Variants in AMOTL1 observed in about 807,000 individuals in gnomAD.
AMOTL1 encodes the protein angiomotin-like protein 1.
AMOTL1 carries 45 observed loss-of-function variants against 102.9 expected under a neutral mutation model. The observed-to-expected ratio is 0.44, with a 90% CI of 0.34 to 0.56. The LOEUF is 0.56. Ranked by LOEUF, AMOTL1 falls within the 20% of genes least tolerant of loss-of-function variation. The pLI, the probability that AMOTL1 is intolerant of heterozygous loss-of-function variation, is 0.01. For synonymous variants in AMOTL1, 481 were observed against 484.7 expected (o/e 0.99, Z 0.10); for missense variants, 1,114 against 1,225.6 (o/e 0.91, Z 1.36).
intron 3 of AMOTL1, among the ~76,000 whole-genome samples, chr11:94,803,962 C>T (rs770501316): frequency 1.4e-4 from 22 of 152,166 alleles, no homozygotes; most frequent in Non-Finnish European, 2.1e-4. Context: ...TGAAAGATAG[C>T]ATTGTATCAC....
intron 3 of AMOTL1, among the ~76,000 whole-genome samples, chr11:94,804,544 G>C (rs757244512): frequency 2.6e-5 from 4 of 152,096 alleles, no homozygotes; most frequent in Non-Finnish European, 4.4e-5. Flanking sequence ...TACTCACCTT[G>C]GCCTCCCAAA....
At chr11:94,854,808 T>A (rs1952626996) in intron 8 of AMOTL1, among the ~76,000 whole-genome samples, 1 of 152,100 alleles carries the variant, frequency 6.6e-6, no homozygotes, top group Non-Finnish European at 1.5e-5. Context: ...TAGCCCATGA[T>A]GATCAGTGAG....
intron 3 of AMOTL1, among the ~76,000 whole-genome samples, chr11:94,810,981 C>T (rs1378380545): frequency 8.6e-5 from 13 of 151,902 alleles, no homozygotes; most frequent in Admixed American, 8.5e-4. Context: ...AAACAAATTG[C>T]TGATATTTCA....
chr11:94,713,258 ATAT>A (rs1249102880), intron 1 of AMOTL1, among the ~76,000 whole-genome samples: 5 of 151,882 alleles, frequency 3.3e-5, no homozygotes, highest in Admixed American at 3.3e-4. Context: ...TATTTGACTA[ATAT>A]TATATAGTAA....
chr11:94,729,431 C>T (rs1455513852), intron 2 of AMOTL1, among the ~76,000 whole-genome samples: 1 of 152,164 alleles, frequency 6.6e-6, no homozygotes, highest in Non-Finnish European at 1.5e-5. Context: ...CTGTTTTGCT[C>T]ATTTCTCCTC....
At position 94,830,192 on chromosome 11, in the gene AMOTL1, G is replaced by A. The variant is rs201644645; in HGVS notation, c.1556G>A (p.Arg519Gln). The A allele has an allele frequency of 9.1e-5, 146 of 1,599,292 alleles. 1 individual carries two copies. In the East Asian group the frequency reaches 1.2e-3, roughly 13 times the overall value. The change falls in exon 5 of 13, where the codon CGA becomes CAA. Residue 519 changes from arginine to glutamine, a missense_variant and splice_region_variant. Transcript: ENST00000433060. ...CTTCATGATTTCAACAGAGACCTCC[G>A]AGGCAGGTTTATTCATGTTCTCTCT... is the stretch of plus-strand genomic sequence containing the variant. ...RRLHDFNRDL[R>Q]DRLETANRQL...
intron 1 of AMOTL1, among the ~76,000 whole-genome samples, chr11:94,713,793 T>C (rs1039312005): frequency 1.1e-4 from 17 of 151,966 alleles, no homozygotes; most frequent in Non-Finnish European, 1.9e-4. Flanking sequence ...TTTTTCTTTT[T>C]TCTTTGGTAA....
At chr11:94,782,203 T>C (rs2851580) in intron 1 of AMOTL1, among the ~76,000 whole-genome samples, 137,989 of 152,234 alleles carry the variant, frequency 0.91, 63,094 homozygotes, top group Non-Finnish European at 0.99. Flanking sequence ...TATTCTGGCT[T>C]GGGCATTTGG....
At chr11:94,795,300 C>G in intron 2 of AMOTL1, 140 bp downstream of exon 2, 1 of 1,124,012 alleles carries the variant, frequency 8.9e-7, no homozygotes, top group East Asian at 2.4e-5. Context: ...ATTGTCTGTT[C>G]ATAGATGCCT....
rs1449920621 is a variant in AMOTL1, at chr11:94,870,724, A to G, written c.2800A>G (p.Arg934Gly). 6.2e-7 allele frequency: 1 copy of G among 1,604,630 alleles called. No homozygotes were observed. The highest frequency in any genetic ancestry group is 1.7e-5 in the Admixed American group (1 of 59,326). ...SPGHGKSPDH[R>G]GRVSSLLHKP... ...TGGCCATGGGAAGTCGCCTGACCAC[A>G]GAGGCCGGGTCAGCAGCTTGCTGCA... The change falls in exon 13 of 13, where the codon AGA (arginine) becomes GGA (glycine). Residue 934 changes from arginine (R) to glycine (G), a missense_variant. Arg to Gly is a moderately radical substitution (Grantham distance 125, BLOSUM62 -2). Transcript: ENST00000433060.
In AMOTL1 at chr11:94,854,110, A is replaced by G. The variant is rs554657430; in HGVS notation, c.1944+28A>G. On this transcript the variant is annotated intron_variant, in intron 8 of 12. Coordinates refer to ENST00000433060, the MANE Select transcript of AMOTL1 (RefSeq NM_130847.3). Reference sequence around the variant, plus strand: ...AAGGAACTGGGCATGGACTGGTGAAAGAATTAGATATGTTCACTCAGCAAA... The same window carrying G: ...AAGGAACTGGGCATGGACTGGTGAAGGAATTAGATATGTTCACTCAGCAAA... 9.3e-6 allele frequency: 14 copies of G among 1,501,300 alleles called. No homozygotes were observed. In the East Asian group the frequency reaches 2.7e-4, roughly 29 times the overall value. 93.0% of individuals were successfully genotyped at this position (1,501,300 alleles called of 1,614,324 possible).
upstream of AMOTL1, among the ~76,000 whole-genome samples, chr11:94,764,385 C>T (rs1950830651): frequency 6.6e-6 from 1 of 152,144 alleles, no homozygotes; most frequent in Admixed American, 6.5e-5. Context: ...TTTTTACATG[C>T]TTTGGTTTCA....
chr11:94,802,826 T>C (rs780696105), intron 3 of AMOTL1, among the ~76,000 whole-genome samples: 8 of 152,228 alleles, frequency 5.3e-5, no homozygotes, highest in Non-Finnish European at 1.0e-4. Flanking sequence ...TAACGTGGCC[T>C]GAACTCGAAG....
chr11:94,861,241 T>G (rs765648228), intron 9 of AMOTL1, among the ~76,000 whole-genome samples: 19 of 152,142 alleles, frequency 1.2e-4, no homozygotes, highest in Non-Finnish European at 2.4e-4. Flanking sequence ...GGAGGGAAGT[T>G]GCAGCCTCCA....
At chr11:94,711,026 G>T (rs896263890) in intron 1 of AMOTL1, among the ~76,000 whole-genome samples, 2 of 152,128 alleles carry the variant, frequency 1.3e-5, no homozygotes, top group Admixed American at 6.6e-5. Flanking sequence ...AAACATTTTA[G>T]GTTTACCAGT....
rs569267434 is a variant in AMOTL1 at position 94,833,439 on chromosome 11, C to T, written c.1648+1898C>T. 3.3e-5 allele frequency among the ~76,000 whole-genome samples: 5 copies of T among 152,322 alleles called. No individual in the cohort carries two copies. In the East Asian group the frequency reaches 9.6e-4, roughly 29 times the overall value. On this transcript the variant is annotated intron_variant, in intron 6 of 12. Transcript: ENST00000433060. ...TTATTAAGTAAATTAGCATGTCCCC[C>T]ACATATATATGTCACAGATATTTTC...
rs78511183 is a variant in AMOTL1 at position 94,739,677 on chromosome 11, G to A, written c.86-1261G>A. ...CAATAGTCCTCCAAGGATGGAGAAA[G>A]GACAACCATTTCCATACTTGTTCCT... On this transcript the variant is annotated intron_variant, in intron 2 of 4. Transcript: ENST00000299004. 3.1e-3 allele frequency among the ~76,000 whole-genome samples: 479 copies of A among 152,238 alleles called. 20 individuals carry two copies. The East Asian group carries it at 0.075, about 24-fold the overall frequency.
At chr11:94,803,606 C>G (rs1319281250) in intron 3 of AMOTL1, among the ~76,000 whole-genome samples, 1 of 152,104 alleles carries the variant, frequency 6.6e-6, no homozygotes, top group Non-Finnish European at 1.5e-5. Context: ...TCCCAACCCC[C>G]CAAGCAAAGG....
chr11:94,760,499 C>T (rs1203934535), intron 3 of AMOTL1, among the ~76,000 whole-genome samples: 1 of 152,208 alleles, frequency 6.6e-6, no homozygotes, highest in Non-Finnish European at 1.5e-5. Context: ...GAGAATTTTT[C>T]TGCCACAAGA....
Sources: gnomAD v4.1 joint callset for allele counts (sites outside exome capture counted in the v4.1 genomes callset) on GRCh38, gnomAD v4.1.1 for gene constraint, MANE v1.5 for transcripts, NCBI Gene and HGNC (gene_info 2026-07-23, HGNC 2026-07-21) for gene names.